RYR1: variants seen among roughly 807,000 people sequenced by gnomAD.
RYR1 encodes ryanodine receptor 1, also known as central core disease of muscle.
In RYR1, 342 loss-of-function variants were observed where a neutral mutation model predicts 583.5. That is an observed-to-expected ratio of 0.59 (90% confidence interval 0.54 to 0.64). The LOEUF (loss-of-function observed/expected upper bound fraction) is 0.64. RYR1 is among the 30% of genes least tolerant of loss of function. The probability of loss-of-function intolerance (pLI) is 0.00; values close to 1 mark genes in which losing one functional copy is unlikely to be tolerated. For synonymous variants in RYR1, 2,791 were observed against 2,822.5 expected, an observed-to-expected ratio of 0.99 and a Z score of 0.35; for missense variants, 6,032 against 6,917.2, an observed-to-expected ratio of 0.87 and a Z score of 4.54.
chr19:38,565,801 T>G lies in RYR1; in HGVS notation c.13437+30T>G. ...GAGAGCAGGCGGGGTTTTGGGGTTT[T>G]GGAAAGATGGGGGATTGGAGGGAGG... On this transcript the variant is annotated intron_variant, in intron 91 of 105. Coordinates refer to ENST00000359596, the MANE Select transcript of RYR1 (RefSeq NM_000540.3). This position sits in a 1 kb window ranked among gnomAD's most constrained non-coding sequence, Gnocchi z 4.7. 7.3e-7 allele frequency: 1 copy of G among 1,369,556 alleles called. No individual in the cohort carries two copies. Among genetic ancestry groups the G allele is most frequent in the Non-Finnish European group, 9.3e-7 (1 of 1,069,924 alleles). The allele number at this position is 1,369,556 out of a possible 1,614,324, so 84.8% of individuals were successfully genotyped here. A position where few individuals can be genotyped will look rare whatever the true frequency, so the allele number is the denominator to read the frequency against.
chr19:38,583,305 A>G (rs1202630229), intron 101 of RYR1, among the ~76,000 whole-genome samples: 2 of 151,268 alleles, frequency 1.3e-5, no homozygotes, highest in African/African-American at 4.9e-5. Flanking sequence ...CTCAAAAAAA[A>G]AAAAAAAAGA....
intron 74 of RYR1, 28 bp downstream of exon 74, chr19:38,528,446 T>G: frequency 6.2e-7 from 1 of 1,610,236 alleles, no homozygotes; most frequent in Non-Finnish European, 8.5e-7. Flanking sequence ...AAGGGAAGCG[T>G]GAAGGGCTGC....
rs374246137 is a variant in RYR1 at position 38,586,495 on chromosome 19, A to T, written c.14970-30A>T. 4 of 1,607,542 alleles carry T rather than the reference A, an allele frequency of 2.5e-6. No homozygotes were observed. In the African/African-American group the frequency reaches 5.3e-5, roughly 21 times the overall value. ...ATAAAATAAGGTAAGGGTGGTTCTG[A>T]CTTGTCTCCTGTGGTCCTCTCACCC... On this transcript the variant is annotated intron_variant, in intron 104 of 105. Coordinates refer to ENST00000359596, the MANE Select transcript of RYR1 (RefSeq NM_000540.3).
rs2145688140 is a variant in RYR1, at chr19:38,519,150, G to A, written c.10019-64G>A. ...AGATGCTGTTTGGGAGTCGGGCTGG[G>A]AACGGAGTTTGGGGCCTGTGTCAGA... On this transcript the variant is annotated intron_variant, in intron 66 of 105. Coordinates refer to ENST00000359596, the MANE Select transcript of RYR1 (RefSeq NM_000540.3). The A allele has an allele frequency of 5.0e-6, 8 of 1,612,800 alleles. No individual in the cohort carries two copies. The South Asian group carries it at 6.6e-5, about 13-fold the overall frequency.
Position 38,496,337 on chromosome 19 carries a change from C to G in RYR1, c.6663+8C>G, listed in dbSNP as rs1236237774. 6.2e-7 allele frequency: 1 copy of G among 1,613,898 alleles called. No homozygotes were observed. The highest frequency in any genetic ancestry group is 1.7e-5 in the Admixed American group (1 of 60,028). On this transcript the variant is annotated splice_region_variant and intron_variant, in intron 40 of 105. Coordinates refer to ENST00000359596, the MANE Select transcript of RYR1 (RefSeq NM_000540.3). The surrounding 1 kb of genome is among the most constrained non-coding windows in gnomAD (Gnocchi z 4.8). ...GGGGGCGGCGAGTCCAAGGTGAGGG[C>G]CCAGGCAGGTGCTGGGGAGCTCAGG...
In RYR1 at chr19:38,523,113, C is replaced by T. The variant is rs1456825727; in HGVS notation, c.10345C>T (p.His3449Tyr). The T allele has an allele frequency of 1.9e-6, 3 of 1,613,638 alleles. No homozygotes were observed. Among genetic ancestry groups the T allele is most frequent in the African/African-American group, 2.7e-5 (2 of 75,020 alleles). Residue 3449 changes from histidine to tyrosine, a missense_variant and splice_region_variant, in exon 68 of 106, where the codon CAC (histidine) becomes TAC (tyrosine). By Grantham distance (83) the His-to-Tyr change is moderately conservative. Coordinates refer to ENST00000359596, the MANE Select transcript of RYR1 (RefSeq NM_000540.3). Reference sequence around the variant, plus strand: ...GATCTTCATCTACTGGTCCAAGTCCCACGTGAGTGCCCACCCCAACCGCCC... The same window carrying T: ...GATCTTCATCTACTGGTCCAAGTCCTACGTGAGTGCCCACCCCAACCGCCC... ...GEIFIYWSKS[H>Y]NFKREEQNFV...
In RYR1 at chr19:38,485,774, C is replaced by T; in HGVS notation, c.5119C>T (p.Arg1707Cys). The T allele has an allele frequency of 5.6e-6, 9 of 1,613,174 alleles. No individual in the cohort carries two copies. Among genetic ancestry groups the T allele is most frequent in the East Asian group, 2.2e-5 (1 of 44,878 alleles). The change falls in exon 34 of 106, where the codon CGC becomes TGC. Residue 1707 changes from arginine to cysteine, a missense_variant. Physicochemically the swap from Arg to Cys is radical, Grantham distance 180 (BLOSUM62 -3). Transcript: ENST00000359596. ...LEDAHLPGPLRAGYYDLLISI... is the reference protein window; with the variant it reads ...LEDAHLPGPLCAGYYDLLISI... ...GGACGCGCACCTGCCAGGCCCACTG[C>T]GCGCAGGCTACTATGACCTCCTCAT...
chr19:38,467,968 A>AT, intron 25 of RYR1, 156 bp downstream of exon 25: 1 of 681,044 alleles, frequency 1.5e-6, no homozygotes, highest in Non-Finnish European at 2.6e-6. Flanking sequence ...TCAACCAATG[A>AT]TTCATCCATC....
Position 38,543,731 on chromosome 19 carries a change from G to A in RYR1, c.11908-40G>A, listed in dbSNP as rs373863791. On this transcript the variant is annotated intron_variant, in intron 86 of 105. Coordinates refer to ENST00000359596, the MANE Select transcript of RYR1 (RefSeq NM_000540.3). The surrounding 1 kb of genome is among the most constrained non-coding windows in gnomAD (Gnocchi z 4.4). ...GCATCGTGATCCCTGATCCCTTCTCGGGGATTCCCTTCCCCCCCACACGGC... is the reference window on the plus strand; with the variant it reads ...GCATCGTGATCCCTGATCCCTTCTCAGGGATTCCCTTCCCCCCCACACGGC... The A allele has an allele frequency of 4.5e-5, 73 of 1,611,184 alleles. No individual in the cohort carries two copies. Among genetic ancestry groups the A allele is most frequent in the Non-Finnish European group, 6.0e-5 (71 of 1,179,862 alleles).
Position 38,458,096 on chromosome 19 carries a change from G to C in RYR1, c.1971G>C (p.Gln657His), listed in dbSNP as rs933093715. The change falls in exon 18 of 106, where the codon CAG becomes CAC. Residue 657 changes from glutamine to histidine, a missense_variant. Physicochemically the swap from Gln to His is conservative, Grantham distance 24 (BLOSUM62 0). Coordinates refer to ENST00000359596, the MANE Select transcript of RYR1 (RefSeq NM_000540.3). ...TGGGCCGAGCGGAAGGCACCACGCA[G>C]TACAGCAAATGGTACTTTGAGGTGA... is the stretch of plus-strand genomic sequence containing the variant. The part of the protein sequence containing the change: ...IFVGRAEGTT[Q>H]YSKWYFEVMV... The C allele has an allele frequency of 6.2e-7, 1 of 1,613,858 alleles. No homozygotes were observed. The highest frequency in any genetic ancestry group is 1.7e-5 in the Admixed American group (1 of 59,992).
intron 67 of RYR1, among the ~76,000 whole-genome samples, chr19:38,520,210 T>C (rs1971164187): frequency 6.6e-6 from 1 of 151,264 alleles, no homozygotes; most frequent in East Asian, 2.0e-4. Context: ...GTAGCTGGGA[T>C]TATAGACTCA....
At position 38,444,274 on chromosome 19, in the gene RYR1, G is replaced by A. The variant is rs754569485; in HGVS notation, c.537+13G>A. ...CGAGCGCTACCTGGTGAGCCATTGC[G>A]GTTCCTCCTGCTCCCAGGTCTGGGG... On this transcript the variant is annotated intron_variant, in intron 6 of 105. Transcript: ENST00000359596. The surrounding 1 kb of genome is among the most constrained non-coding windows in gnomAD (Gnocchi z 5.1). The A allele has an allele frequency of 1.4e-5, 23 of 1,595,966 alleles. No homozygotes were observed. The highest frequency in any genetic ancestry group is 5.4e-5 in the African/African-American group (4 of 74,480).
chr19:38,531,024 G>C (rs1455363066), intron 76 of RYR1, among the ~76,000 whole-genome samples: 4 of 140,332 alleles, frequency 2.9e-5, no homozygotes, highest in Non-Finnish European at 6.1e-5. Flanking sequence ...AGTAGAGACA[G>C]GGTTTCGCCA....
At position 38,517,513 on chromosome 19, in the gene RYR1, C is replaced by T. The variant is rs1334015593; in HGVS notation, c.9840C>T (p.Tyr3280=). Residue 3280 remains tyrosine (Y), a synonymous_variant, in exon 66 of 106, where the codon TAC becomes TAT. Coordinates refer to ENST00000359596, the MANE Select transcript of RYR1 (RefSeq NM_000540.3). ...TCACGCTGCCCATGCTATGCAGCTACCTGCCCCGATGGTGGGAGCGCGGGC... is the reference window on the plus strand; with the variant it reads ...TCACGCTGCCCATGCTATGCAGCTATCTGCCCCGATGGTGGGAGCGCGGGC... ...IEITLPMLCS[Y]LPRWWERGPE... 7 of 1,613,990 alleles carry T rather than the reference C, an allele frequency of 4.3e-6. No individual in the cohort carries two copies. Among genetic ancestry groups the T allele is most frequent in the Middle Eastern group, 1.6e-4 (1 of 6,084 alleles).
At chr19:38,576,399 A>C (rs1490530916) in intron 97 of RYR1, among the ~76,000 whole-genome samples, 4 of 152,222 alleles carry the variant, frequency 2.6e-5, no homozygotes, top group African/African-American at 4.8e-5. Context: ...CAGTGAGCCA[A>C]GATTGCACCA....
rs2145843996 is a variant in RYR1, at chr19:38,565,163, G to T, written c.12829G>T (p.Glu4277Ter). The T allele has an allele frequency of 6.8e-7, 1 of 1,472,356 alleles. No homozygotes were observed. Among genetic ancestry groups the T allele is most frequent in the East Asian group, 2.7e-5 (1 of 36,736 alleles). 91.2% of individuals were successfully genotyped at this position (1,472,356 alleles called of 1,614,324 possible). The change falls in exon 91 of 106, where the codon GAG becomes TAG. Residue 4277 changes from glutamate to a stop codon, truncating the protein, a stop_gained. Coordinates refer to ENST00000359596, the MANE Select transcript of RYR1 (RefSeq NM_000540.3). LOFTEE classifies it high-confidence loss of function. The surrounding 1 kb of genome is among the most constrained non-coding windows in gnomAD (Gnocchi z 4.7). ...GGAGGCGGGCGCGGAAGGCGCGGAG[G>T]AGGGCGCGGCGGGGCTCGAGGGCAC... ...AAEAGAEGAEEGAAGLEGTAA... is the reference protein window; with the variant it reads ...AAEAGAEGAE
At position 38,502,980 on chromosome 19, in the gene RYR1, A is replaced by G. The variant is rs778605115; in HGVS notation, c.7926+10A>G. ...CAAGATGCCACTCAAGGTGAGGGCAAGCGCTCTTTAGCATCTCATTTCCAG... is the reference window on the plus strand; with the variant it reads ...CAAGATGCCACTCAAGGTGAGGGCAGGCGCTCTTTAGCATCTCATTTCCAG... On this transcript the variant is annotated intron_variant, in intron 49 of 105. Transcript: ENST00000359596. The G allele has an allele frequency of 3.7e-6, 6 of 1,606,226 alleles. No individual in the cohort carries two copies. The Admixed American group carries it at 1.0e-4, about 27-fold the overall frequency.
intron 89 of RYR1, among the ~76,000 whole-genome samples, chr19:38,552,241 C>T (rs1285116901): frequency 6.6e-6 from 1 of 151,784 alleles, no homozygotes; most frequent in Non-Finnish European, 1.5e-5. Context: ...CATAAGCTAC[C>T]ATGCCCAGCA....
intron 70 of RYR1, 116 bp from the exon 71 acceptor site, chr19:38,525,216 T>TG: frequency 8.2e-7 from 1 of 1,212,734 alleles, no homozygotes; most frequent in Admixed American, 1.8e-5. Flanking sequence ...CGTCGGCAGT[T>TG]GGGGAGGGAG....
Sources: allele counts gnomAD v4.1 joint callset (sites outside exome capture counted in the v4.1 genomes callset), GRCh38; gene constraint gnomAD v4.1.1; non-coding constraint Gnocchi (gnomAD v3.1); transcripts MANE v1.5; gene names NCBI Gene and HGNC (gene_info 2026-07-23, HGNC 2026-07-21).